The following FAM222B variants were observed in gnomAD, a reference collection of about 807,000 sequenced individuals.
FAM222B encodes the protein family with sequence similarity 222 member B.
Under a neutral mutation model 38.0 loss-of-function variants are expected in FAM222B, and 12 were observed. That is an observed-to-expected ratio of 0.32 (90% CI 0.20 to 0.51). The LOEUF (loss-of-function observed/expected upper bound fraction) is 0.51. Among genes scored for constraint, FAM222B ranks in the 20% least tolerant of loss-of-function variants. The pLI is 0.97. For missense variants in FAM222B, 716 were observed against 754.2 expected, an observed-to-expected ratio of 0.95 and a Z score of 0.59; for synonymous variants, 329 against 317.2, an observed-to-expected ratio of 1.04 and a Z score of -0.40.
intron 1 of FAM222B, among the ~76,000 whole-genome samples, chr17:28,774,949 A>G (rs910020386): frequency 4.6e-5 from 7 of 151,306 alleles, no homozygotes; most frequent in African/African-American, 1.5e-4. Context: ...CTCAAAATAA[A>G]TAAATTAAAT....
intron 1 of FAM222B, among the ~76,000 whole-genome samples, chr17:28,769,468 A>G (rs2035515854): frequency 1.3e-5 from 2 of 151,784 alleles, no homozygotes; most frequent in African/African-American, 4.8e-5. Flanking sequence ...GGCGTAAGCC[A>G]CCGTGCCTGG....
At chr17:28,843,433 A>G (rs1021777282), upstream of FAM222B, among the ~76,000 whole-genome samples, 8 of 139,712 alleles carry the variant, frequency 5.7e-5, no homozygotes, top group Non-Finnish European at 1.2e-4. Flanking sequence ...CACCGCGCCC[A>G]GCCTGGGTCT....
At chr17:28,813,142 C>A (rs902670189) in intron 1 of FAM222B, among the ~76,000 whole-genome samples, 10 of 109,702 alleles carry the variant, frequency 9.1e-5, no homozygotes, top group Non-Finnish European at 1.1e-4. Context: ...AAAAAAAAAA[C>A]ACACACATAC....
chr17:28,797,689 A>G lies in FAM222B; in HGVS notation c.-40-30982T>C, dbSNP rs1308745542. Among the ~76,000 whole-genome samples the G allele has an allele frequency of 3.3e-5, 5 of 152,276 alleles. No homozygotes were observed. In the South Asian group the frequency reaches 8.3e-4, roughly 25 times the overall value. On this transcript the variant is annotated intron_variant, in intron 1 of 2. Transcript: ENST00000581407. ...TACAATTTTCAAAGTGCTTTTTCAC[A>G]TGATTCTCTCTCCATCTTCTCAAGA...
intron 1 of FAM222B, among the ~76,000 whole-genome samples, chr17:28,785,818 C>G (rs1299912141): frequency 6.6e-6 from 1 of 152,136 alleles, no homozygotes; most frequent in Non-Finnish European, 1.5e-5. Context: ...AACGATTCTC[C>G]TGCCTCAGCC....
At position 28,784,868 on chromosome 17, in the gene FAM222B, A is replaced by G. The variant is rs181568978; in HGVS notation, c.-40-18161T>C. On this transcript the variant is annotated intron_variant, in intron 1 of 2. Coordinates refer to ENST00000581407, the MANE Select transcript of FAM222B (RefSeq NM_001077498.3). Reference sequence around the variant, plus strand: ...CGGGCTCAAGTGATCCTCCCACCTCAGCCTTCTGAGTAGGTGGGACTACAG... The same window carrying G: ...CGGGCTCAAGTGATCCTCCCACCTCGGCCTTCTGAGTAGGTGGGACTACAG... 2.3e-3 allele frequency among the ~76,000 whole-genome samples: 355 copies of G among 151,962 alleles called. 1 individual carries two copies. Among genetic ancestry groups the G allele is most frequent in the African/African-American group, 8.2e-3 (342 of 41,458 alleles).
intron 1 of FAM222B, among the ~76,000 whole-genome samples, chr17:28,854,340 G>A (rs1223069286): frequency 2.0e-5 from 3 of 152,172 alleles, no homozygotes; most frequent in Admixed American, 6.5e-5. Flanking sequence ...CTGCTAGAGC[G>A]GTCTAGGAGA....
chr17:28,772,490 C>T (rs1312243622), intron 1 of FAM222B, among the ~76,000 whole-genome samples: 3 of 148,308 alleles, frequency 2.0e-5, no homozygotes, highest in Admixed American at 7.0e-5. Context: ...TTTGGGAGGC[C>T]GAGGCGGGCG....
chr17:28,787,466 G>A (rs560710193), intron 1 of FAM222B, among the ~76,000 whole-genome samples: 2 of 152,238 alleles, frequency 1.3e-5, no homozygotes, highest in Admixed American at 1.3e-4. Context: ...TTGTCACTGA[G>A]ACTCACTATA....
At chr17:28,793,624 A>G (rs1312837384) in intron 1 of FAM222B, among the ~76,000 whole-genome samples, 1 of 152,184 alleles carries the variant, frequency 6.6e-6, no homozygotes, top group African/African-American at 2.4e-5. Flanking sequence ...TTCTAGAGGT[A>G]GAACAAGTGT....
In FAM222B at chr17:28,758,517, G is replaced by A. The variant is rs918415763; in HGVS notation, c.1442C>T (p.Thr481Ile). 6.2e-7 allele frequency: 1 copy of A among 1,611,744 alleles called. No homozygotes were observed. ...TGCCGCACAGTCGAGGGGTGCACCT[G>A]TGGGCTGCCCACCGTGGAACGGCAT... ...LAMPFHGGQPTGAPLDCAAAP... is the reference protein window; with the variant it reads ...LAMPFHGGQPIGAPLDCAAAP... The change falls in exon 3 of 3, where the codon ACA (threonine) becomes ATA (isoleucine). Residue 481 changes from threonine (T) to isoleucine (I), a missense_variant. Thr to Ile is a moderately conservative substitution (Grantham distance 89, BLOSUM62 -1). Transcript: ENST00000581407.
intron 1 of FAM222B, among the ~76,000 whole-genome samples, chr17:28,773,903 G>C (rs2035760296): frequency 6.6e-6 from 1 of 152,132 alleles, no homozygotes; most frequent in Non-Finnish European, 1.5e-5. Context: ...CTGACGTCAA[G>C]AATCAGATCC....
intron 1 of FAM222B, among the ~76,000 whole-genome samples, chr17:28,823,875 ATTTTTTT>A (rs367743538): frequency 1.5e-5 from 2 of 134,074 alleles, no homozygotes; most frequent in African/African-American, 5.5e-5. Flanking sequence ...CCAAAAGAGA[ATTTTTTT>A]TTTTTTTTTT....
intron 2 of FAM222B, among the ~76,000 whole-genome samples, chr17:28,763,941 T>C (rs1035755400): frequency 3.9e-5 from 6 of 152,170 alleles, no homozygotes; most frequent in Non-Finnish European, 7.4e-5. Context: ...GAAGGTAATT[T>C]TGGCATTTGT....
intron 1 of FAM222B, among the ~76,000 whole-genome samples, chr17:28,772,702 C>T (rs746373789): frequency 6.6e-6 from 1 of 152,012 alleles, no homozygotes; most frequent in Non-Finnish European, 1.5e-5. Flanking sequence ...CGAGACCAGC[C>T]TGGCCAATAT....
chr17:28,770,628 T>C (rs1008246136), intron 1 of FAM222B, among the ~76,000 whole-genome samples: 1 of 151,472 alleles, frequency 6.6e-6, no homozygotes, highest in Non-Finnish European at 1.5e-5. Context: ...TGGAGTGCGG[T>C]GGCGCCTTCT....
At chr17:28,785,528 TGAG>T (rs1555574477) in intron 1 of FAM222B, among the ~76,000 whole-genome samples, 3 of 152,070 alleles carry the variant, frequency 2.0e-5, no homozygotes, top group Non-Finnish European at 1.5e-5. Flanking sequence ...ATGATGATGA[TGAG>T]GATGAGGATG....
chr17:28,792,289 G>A (rs934016339), intron 1 of FAM222B, among the ~76,000 whole-genome samples: 4 of 147,954 alleles, frequency 2.7e-5, no homozygotes, highest in African/African-American at 9.9e-5. Flanking sequence ...TCCTGCCTGG[G>A]CGACCCAGCA....
intron 1 of FAM222B, among the ~76,000 whole-genome samples, chr17:28,778,308 C>T (rs1435459189): frequency 6.6e-6 from 1 of 151,846 alleles, no homozygotes; most frequent in Admixed American, 6.6e-5. Context: ...CATGTGTTCT[C>T]ACTGTTCAGC....
Sources: gnomAD v4.1 joint callset for allele counts (sites outside exome capture counted in the v4.1 genomes callset) on GRCh38, gnomAD v4.1.1 for gene constraint, MANE v1.5 for transcripts, NCBI Gene and HGNC (gene_info 2026-07-23, HGNC 2026-07-21) for gene names.